Variants in CFAP92 observed in about 807,000 individuals in gnomAD.
The protein encoded by CFAP92 is uncharacterized protein CFAP92.
Under a neutral mutation model 106.3 loss-of-function variants are expected in CFAP92, and 86 were observed. The observed-to-expected ratio is 0.81, with a 90% CI of 0.68 to 0.97. CFAP92 has a LOEUF of 0.97. Among genes scored for constraint, CFAP92 ranks in the 50% least tolerant of loss-of-function variants. CFAP92 has a pLI of 0.00. For missense variants in CFAP92, 1,204 were observed against 1,283.8 expected (o/e 0.94, Z 0.95); for synonymous variants, 477 against 506.4 (o/e 0.94, Z 0.78).
At chr3:128,967,344 C>G (rs1295747406) in intron 8 of CFAP92, 1 of 152,184 alleles carries the variant, frequency 6.6e-6, no homozygotes, top group Non-Finnish European at 1.5e-5. Context: ...AAAGCTGATT[C>G]ATAAAAGCTG....
intron 9 of CFAP92, among the ~76,000 whole-genome samples, chr3:128,951,812 C>T (rs1247213569): frequency 6.6e-6 from 1 of 152,212 alleles, no homozygotes; most frequent in African/African-American, 2.4e-5. Context: ...GAAGCCTGGA[C>T]TTCTACCCTC....
intron 10 of CFAP92, among the ~76,000 whole-genome samples, chr3:128,943,068 C>G (rs527740719): frequency 6.7e-6 from 1 of 149,264 alleles, no homozygotes; most frequent in Admixed American, 6.6e-5. Flanking sequence ...TACAGGCACA[C>G]GCCACCACAG....
At chr3:128,933,491 T>G (rs1449335396) in intron 11 of CFAP92, among the ~76,000 whole-genome samples, 1 of 152,152 alleles carries the variant, frequency 6.6e-6, no homozygotes, top group Non-Finnish European at 1.5e-5. Flanking sequence ...TGGCCTGGTG[T>G]GCAGTGGGCA....
At chr3:128,925,212 G>A (rs1937569244) in intron 12 of CFAP92, among the ~76,000 whole-genome samples, 1 of 152,250 alleles carries the variant, frequency 6.6e-6, no homozygotes, top group African/African-American at 2.4e-5. Flanking sequence ...GTTTGGGGAT[G>A]AAACTGTTCC....
At chr3:129,005,342 T>C (rs991116797), upstream of CFAP92, among the ~76,000 whole-genome samples, 5 of 151,892 alleles carry the variant, frequency 3.3e-5, no homozygotes, top group Admixed American at 1.3e-4. Context: ...TTCTAGAAAA[T>C]TGGAACAGTA....
intron 12 of CFAP92, among the ~76,000 whole-genome samples, chr3:128,917,012 C>A (rs954049004): frequency 6.6e-6 from 1 of 152,154 alleles, no homozygotes; most frequent in South Asian, 2.1e-4. Context: ...ACTTTGGAAT[C>A]TTTGAGGAAT....
chr3:128,988,983 A>T, intron 2 of CFAP92, 65 bp from the exon 3 acceptor site: 1 of 1,248,456 alleles, frequency 8.0e-7, no homozygotes. Flanking sequence ...CCGTCTCCCC[A>T]GTTCCCTGGA....
At chr3:129,015,217 GGC>G in the CFAP92 span, among the ~76,000 whole-genome samples, 1 of 151,960 alleles carries the variant, frequency 6.6e-6, no homozygotes, top group Non-Finnish European at 1.5e-5. Context: ...CCCCTTCTCA[GGC>G]CCTTTGGGCA....
At chr3:128,972,228 C>G (rs1424466037) in intron 7 of CFAP92, among the ~76,000 whole-genome samples, 1 of 151,840 alleles carries the variant, frequency 6.6e-6, no homozygotes, top group Non-Finnish European at 1.5e-5. Context: ...ATACTGACAT[C>G]TGGATGAAGG....
intron 7 of CFAP92, 24 bp from the exon 8 acceptor site, chr3:128,971,457 G>A (rs756221763): frequency 1.0e-5 from 16 of 1,542,812 alleles, no homozygotes; most frequent in South Asian, 3.7e-5. Flanking sequence ...CAAAGGAGAT[G>A]AGCATTAAGA....
chr3:128,929,941 A>G (rs1346733680), intron 12 of CFAP92, among the ~76,000 whole-genome samples: 1 of 152,202 alleles, frequency 6.6e-6, no homozygotes, highest in Non-Finnish European at 1.5e-5. Flanking sequence ...CTCAAGGTGT[A>G]AAAATGTGAA....
At chr3:128,973,934 T>C (rs1942984328) in intron 7 of CFAP92, among the ~76,000 whole-genome samples, 1 of 152,228 alleles carries the variant, frequency 6.6e-6, no homozygotes, top group Admixed American at 6.5e-5. Context: ...AGTTGTTGCA[T>C]TTTCATGTGA....
At chr3:128,964,526 C>T (rs1942215054) in intron 9 of CFAP92, among the ~76,000 whole-genome samples, 1 of 152,192 alleles carries the variant, frequency 6.6e-6, no homozygotes, top group African/African-American at 2.4e-5. Context: ...CTGGTGCTAT[C>T]CCCAAACTGC....
the CFAP92 span, among the ~76,000 whole-genome samples, chr3:129,020,053 GC>G: frequency 6.6e-6 from 1 of 152,146 alleles, no homozygotes; most frequent in Non-Finnish European, 1.5e-5. Context: ...ACAGGTATGA[GC>G]CATCGCAACC....
At chr3:128,967,125 G>C (rs1225682999) in intron 8 of CFAP92, 1 of 152,052 alleles carries the variant, frequency 6.6e-6, no homozygotes, top group Non-Finnish European at 1.5e-5. Context: ...ATATGAGATG[G>C]TGCTCAAAAA....
At chr3:128,959,410 T>TA (rs539663446) in intron 9 of CFAP92, among the ~76,000 whole-genome samples, 89 of 151,936 alleles carry the variant, frequency 5.9e-4, no homozygotes, top group African/African-American at 1.9e-3. Context: ...TGTGTAAGGA[T>TA]AAAAAAAGGT....
intron 12 of CFAP92, among the ~76,000 whole-genome samples, chr3:128,932,210 G>T (rs1006161708): frequency 6.6e-6 from 1 of 152,054 alleles, no homozygotes; most frequent in African/African-American, 2.4e-5. Flanking sequence ...GTTGGCATGG[G>T]GTGAGCGAGG....
intron 15 of CFAP92, chr3:128,912,826 G>A: frequency 1.4e-6 from 1 of 702,374 alleles, no homozygotes; most frequent in Middle Eastern, 2.5e-4. Flanking sequence ...TCTGAACTGA[G>A]CCGGAGAGAG....
intron 12 of CFAP92, among the ~76,000 whole-genome samples, chr3:128,924,397 C>T (rs1937524052): frequency 6.8e-6 from 1 of 147,326 alleles, no homozygotes; most frequent in Non-Finnish European, 1.5e-5. Context: ...TGGCTCCTTC[C>T]TTCTAGCACT....
Sources: allele counts gnomAD v4.1 joint callset (sites outside exome capture counted in the v4.1 genomes callset), GRCh38; gene constraint gnomAD v4.1.1; transcripts MANE v1.5; gene names NCBI Gene and HGNC (gene_info 2026-07-23, HGNC 2026-07-21).